FBXL7: variants seen among roughly 807,000 people sequenced by gnomAD.
The protein encoded by FBXL7 is F-box/LRR-repeat protein 7.
In FBXL7, 12 loss-of-function variants were observed where a neutral mutation model predicts 38.3. The ratio of observed to expected loss-of-function variants is 0.31; its 90% CI spans 0.20 to 0.51. The LOEUF (loss-of-function observed/expected upper bound fraction) is 0.51, where lower values mean the gene tolerates loss of function less well. FBXL7 is among the 20% of genes least tolerant of loss of function. The probability of loss-of-function intolerance (pLI) is 0.98; values close to 1 mark genes in which losing one functional copy is unlikely to be tolerated. For missense variants in FBXL7, 567 were observed against 676.4 expected (o/e 0.84, Z 1.79); for synonymous variants, 297 against 300.9 (o/e 0.99, Z 0.13).
chr5:15,515,437 A>C (rs2126363577), intron 1 of FBXL7, among the ~76,000 whole-genome samples: 1 of 152,310 alleles, frequency 6.6e-6, no homozygotes, highest in South Asian at 2.1e-4. Context: ...GCTATAACTC[A>C]GAATTGACTG....
intron 2 of FBXL7, among the ~76,000 whole-genome samples, chr5:15,680,896 T>C (rs1434702605): frequency 6.6e-6 from 1 of 152,210 alleles, no homozygotes; most frequent in African/African-American, 2.4e-5. Context: ...AAAGTGAAGC[T>C]TAGAGCAGGA....
intron 2 of FBXL7, among the ~76,000 whole-genome samples, chr5:15,709,696 G>T (rs559188912): frequency 6.6e-6 from 1 of 152,114 alleles, no homozygotes; most frequent in South Asian, 2.1e-4. Flanking sequence ...TGTTTATGCT[G>T]CTGTAACAAA....
chr5:15,556,726 A>C (rs1738249671), intron 1 of FBXL7, among the ~76,000 whole-genome samples: 1 of 152,214 alleles, frequency 6.6e-6, no homozygotes, highest in African/African-American at 2.4e-5. Flanking sequence ...TGACTGTGCC[A>C]ATCTCTCAAT....
intron 2 of FBXL7, among the ~76,000 whole-genome samples, chr5:15,770,133 G>T (rs144377317): frequency 2.0e-5 from 3 of 152,302 alleles, no homozygotes; most frequent in Non-Finnish European, 4.4e-5. Flanking sequence ...GAAGAAAGCA[G>T]TATTTAGCGA....
chr5:15,546,079 A>G (rs1737883997), intron 1 of FBXL7, among the ~76,000 whole-genome samples: 1 of 152,238 alleles, frequency 6.6e-6, no homozygotes, highest in Non-Finnish European at 1.5e-5. Context: ...TATAGCATGC[A>G]TGTGTTATAT....
At chr5:15,920,321 T>G (rs1741706085) in intron 2 of FBXL7, among the ~76,000 whole-genome samples, 1 of 152,096 alleles carries the variant, frequency 6.6e-6, no homozygotes, top group Non-Finnish European at 1.5e-5. Context: ...TAGACCAAAC[T>G]GGGCACTTGG....
At chr5:15,852,291 T>C (rs1739120918) in intron 2 of FBXL7, among the ~76,000 whole-genome samples, 1 of 152,192 alleles carries the variant, frequency 6.6e-6, no homozygotes, top group African/African-American at 2.4e-5. Flanking sequence ...AATCAAATAC[T>C]TTGTTTTGTT....
chr5:15,650,945 G>T (rs1227886469), intron 2 of FBXL7, among the ~76,000 whole-genome samples: 2 of 152,094 alleles, frequency 1.3e-5, no homozygotes, highest in Non-Finnish European at 2.9e-5. Flanking sequence ...CCAAACTCCT[G>T]TTAATGTTGA....
intron 2 of FBXL7, among the ~76,000 whole-genome samples, chr5:15,650,062 G>A (rs149211919): frequency 2.1e-3 from 313 of 152,232 alleles, no homozygotes; most frequent in African/African-American, 6.9e-3. Context: ...CACTGCCTTC[G>A]GGCTCATCTT....
At chr5:15,598,621 C>T (rs1026853347) in intron 1 of FBXL7, among the ~76,000 whole-genome samples, 1 of 152,036 alleles carries the variant, frequency 6.6e-6, no homozygotes, top group Non-Finnish European at 1.5e-5. Context: ...ATTGTTTTGC[C>T]ATGTGCATTT....
chr5:15,752,831 A>G (rs76207429), intron 2 of FBXL7, among the ~76,000 whole-genome samples: 8,228 of 152,262 alleles, frequency 0.054, 242 homozygotes, highest in East Asian at 0.1. Context: ...GTCAACCACA[A>G]GTTATCCTTC....
intron 2 of FBXL7, among the ~76,000 whole-genome samples, chr5:15,626,544 C>CTGTGTGTGTG (rs71603784): frequency 0.1 from 14,796 of 148,224 alleles, 756 homozygotes; most frequent in Middle Eastern, 0.12. Context: ...AATTCGTTTC[C>CTGTGTGTGTG]TGTGTGTGTG....
intron 1 of FBXL7, among the ~76,000 whole-genome samples, chr5:15,570,223 A>T (rs1738728755): frequency 6.6e-6 from 1 of 151,996 alleles, no homozygotes; most frequent in Admixed American, 6.6e-5. Flanking sequence ...CTGGTCCTGG[A>T]CTTTTTTTGG....
chr5:15,508,739 A>G (rs1736714420), intron 1 of FBXL7, among the ~76,000 whole-genome samples: 1 of 152,176 alleles, frequency 6.6e-6, no homozygotes, highest in Admixed American at 6.5e-5. Flanking sequence ...TTAGTTACTG[A>G]TTAGAAAATA....
At chr5:15,513,706 TG>T (rs200298023) in intron 1 of FBXL7, among the ~76,000 whole-genome samples, 4 of 152,318 alleles carry the variant, frequency 2.6e-5, no homozygotes, top group East Asian at 3.9e-4. Context: ...CATTCATATT[TG>T]TTTTTTTTAG....
intron 1 of FBXL7, among the ~76,000 whole-genome samples, chr5:15,580,292 G>A (rs1335308078): frequency 6.6e-6 from 1 of 152,098 alleles, no homozygotes; most frequent in East Asian, 1.9e-4. Context: ...AGCACTACAA[G>A]AAATAAATGT....
intron 2 of FBXL7, among the ~76,000 whole-genome samples, chr5:15,689,582 T>C (rs1743121627): frequency 6.6e-6 from 1 of 152,148 alleles, no homozygotes; most frequent in Non-Finnish European, 1.5e-5. Context: ...ATCTATAAAA[T>C]AGAAAAATAA....
chr5:15,901,089 T>A (rs1324479845), intron 2 of FBXL7, among the ~76,000 whole-genome samples: 3 of 152,314 alleles, frequency 2.0e-5, no homozygotes, highest in Admixed American at 6.5e-5. Flanking sequence ...TACCCCAATT[T>A]CTAAAAGCTA....
At chr5:15,927,194 T>C (rs1195307493) in intron 2 of FBXL7, among the ~76,000 whole-genome samples, 1 of 152,118 alleles carries the variant, frequency 6.6e-6, no homozygotes, top group East Asian at 1.9e-4. Flanking sequence ...ACAGCCACGC[T>C]CCTTTGTTTA....
Sources: gnomAD v4.1 joint callset for allele counts (sites outside exome capture counted in the v4.1 genomes callset) on GRCh38, gnomAD v4.1.1 for gene constraint, MANE v1.5 for transcripts, NCBI Gene and HGNC (gene_info 2026-07-23, HGNC 2026-07-21) for gene names.